The following CADM2 variants were observed in gnomAD, a reference collection of about 807,000 sequenced individuals.
CADM2 encodes cell adhesion molecule 2.
Under a neutral mutation model 49.8 loss-of-function variants are expected in CADM2, and 12 were observed. The observed-to-expected ratio is 0.24, with a 90% CI of 0.15 to 0.39. CADM2 has a LOEUF of 0.39. CADM2 is among the 10% of genes least tolerant of loss of function. The pLI is 1.00. For synonymous variants in CADM2, 214 were observed against 175.4 expected, an observed-to-expected ratio of 1.22 and a Z score of -1.74; for missense variants, 378 against 492.3, an observed-to-expected ratio of 0.77 and a Z score of 2.20.
chr3:86,064,552 T>C (rs541998019), intron 8 of CADM2, among the ~76,000 whole-genome samples: 2 of 152,270 alleles, frequency 1.3e-5, no homozygotes, highest in South Asian at 4.1e-4. Context: ...ATGATTTATA[T>C]TCCTTTGGGT....
chr3:86,023,147 A>C (rs1733413474), intron 8 of CADM2, among the ~76,000 whole-genome samples: 1 of 142,084 alleles, frequency 7.0e-6, no homozygotes, highest in African/African-American at 2.5e-5. Context: ...TCAAAAATGC[A>C]ATGTGCTACA....
chr3:85,237,548 A>G (rs927543274), intron 1 of CADM2, among the ~76,000 whole-genome samples: 12 of 151,232 alleles, frequency 7.9e-5, no homozygotes, highest in African/African-American at 2.9e-4. Context: ...CTTAGAATAT[A>G]TAAATACATA....
At chr3:86,049,067 C>T (rs141758370) in intron 8 of CADM2, among the ~76,000 whole-genome samples, 2 of 151,870 alleles carry the variant, frequency 1.3e-5, no homozygotes, top group Non-Finnish European at 2.9e-5. Context: ...ACAACAAAAA[C>T]CTTTCATGTA....
intron 1 of CADM2, among the ~76,000 whole-genome samples, chr3:85,223,228 C>A (rs1250402709): frequency 6.6e-6 from 1 of 152,058 alleles, no homozygotes; most frequent in Non-Finnish European, 1.5e-5. Context: ...ATGAGAATAC[C>A]TTCAGAGGTA....
chr3:85,094,781 C>T (rs2037731563), intron 1 of CADM2, among the ~76,000 whole-genome samples: 1 of 152,140 alleles, frequency 6.6e-6, no homozygotes, highest in Non-Finnish European at 1.5e-5. Context: ...AATGATAACA[C>T]TATCCCTAGT....
intron 1 of CADM2, among the ~76,000 whole-genome samples, chr3:85,408,717 C>T (rs112559336): frequency 3.8e-4 from 58 of 152,276 alleles, no homozygotes; most frequent in African/African-American, 1.3e-3. Context: ...ATCTTAAGGA[C>T]ATGTGCTTTT....
chr3:85,427,409 A>G (rs72907245), intron 1 of CADM2, among the ~76,000 whole-genome samples: 6,404 of 151,894 alleles, frequency 0.042, 461 homozygotes, highest in African/African-American at 0.15. Context: ...TAGATTCTAG[A>G]TTTTTGAGAG....
intron 1 of CADM2, among the ~76,000 whole-genome samples, chr3:85,134,674 ATCT>A (rs958086259): frequency 7.9e-5 from 12 of 152,140 alleles, no homozygotes; most frequent in African/African-American, 1.9e-4. Flanking sequence ...GTGGTGGTTA[ATCT>A]TCTTCAATTT....
At chr3:86,002,125 T>C (rs773022911) in intron 8 of CADM2, among the ~76,000 whole-genome samples, 11 of 152,078 alleles carry the variant, frequency 7.2e-5, no homozygotes, top group Non-Finnish European at 1.5e-4. Flanking sequence ...TCAAAGTAGC[T>C]GGGATTATTA....
chr3:85,152,684 A>AT (rs2039963680), intron 1 of CADM2, among the ~76,000 whole-genome samples: 1 of 152,104 alleles, frequency 6.6e-6, no homozygotes, highest in African/African-American at 2.4e-5. Context: ...AAGGCTGGGC[A>AT]CGGTGGCTCA....
chr3:85,096,153 T>C (rs2037786207), intron 1 of CADM2, among the ~76,000 whole-genome samples: 1 of 152,178 alleles, frequency 6.6e-6, no homozygotes, highest in South Asian at 2.1e-4. Context: ...AAGTATTTGA[T>C]TTATAAGTTT....
At chr3:85,957,198 G>A (rs1419826649) in intron 7 of CADM2, among the ~76,000 whole-genome samples, 1 of 151,654 alleles carries the variant, frequency 6.6e-6, no homozygotes, top group South Asian at 2.1e-4. Context: ...AATTCAAATA[G>A]CAGTTAAAAG....
chr3:85,821,052 A>T (rs2073526482), intron 3 of CADM2, among the ~76,000 whole-genome samples: 1 of 152,146 alleles, frequency 6.6e-6, no homozygotes, highest in Non-Finnish European at 1.5e-5. Flanking sequence ...GACTTTCATT[A>T]TCATCCTTTG....
At chr3:85,564,671 C>G (rs1027164301) in intron 1 of CADM2, among the ~76,000 whole-genome samples, 1 of 151,942 alleles carries the variant, frequency 6.6e-6, no homozygotes, top group African/African-American at 2.4e-5. Flanking sequence ...ACTTATTCAT[C>G]TGTCTTTCTA....
At chr3:85,008,897 G>A (rs376779028) in intron 1 of CADM2, among the ~76,000 whole-genome samples, 1 of 152,288 alleles carries the variant, frequency 6.6e-6, no homozygotes, top group East Asian at 1.9e-4. Flanking sequence ...GATACTAAAT[G>A]AAATCTTTAG....
At chr3:85,798,786 T>G (rs1467087141) in intron 2 of CADM2, among the ~76,000 whole-genome samples, 1 of 151,922 alleles carries the variant, frequency 6.6e-6, no homozygotes, top group Non-Finnish European at 1.5e-5. Context: ...TTTAAAGTAG[T>G]TTTTTTTCTA....
intron 1 of CADM2, among the ~76,000 whole-genome samples, chr3:85,121,600 G>A (rs2038865859): frequency 2.0e-5 from 3 of 152,166 alleles, no homozygotes; most frequent in Middle Eastern, 6.8e-3. Context: ...GCTATGCAAA[G>A]GACAAGAGAT....
intron 1 of CADM2, among the ~76,000 whole-genome samples, chr3:85,250,227 G>A (rs1193804951): frequency 6.6e-6 from 1 of 151,400 alleles, no homozygotes; most frequent in Non-Finnish European, 1.5e-5. Context: ...AGTACAAACA[G>A]CCTCTTGTCC....
chr3:85,554,124 G>A (rs2061887851), intron 1 of CADM2, among the ~76,000 whole-genome samples: 1 of 151,806 alleles, frequency 6.6e-6, no homozygotes, highest in Non-Finnish European at 1.5e-5. Flanking sequence ...AGGGTTAGTG[G>A]GTGAATTAGG....
Sources: allele counts gnomAD v4.1 joint callset (sites outside exome capture counted in the v4.1 genomes callset), GRCh38; gene constraint gnomAD v4.1.1; transcripts MANE v1.5; gene names NCBI Gene and HGNC (gene_info 2026-07-23, HGNC 2026-07-21).